The following CLTCL1 variants were observed in gnomAD, a reference collection of about 807,000 sequenced individuals.
CLTCL1 encodes the protein clathrin heavy chain 2.
In CLTCL1, 159 loss-of-function variants were observed where a neutral mutation model predicts 190.0. That is an observed-to-expected ratio of 0.84 (90% CI 0.74 to 0.95). The LOEUF is 0.95. Among genes scored for constraint, CLTCL1 ranks in the 40% least tolerant of loss-of-function variants. The pLI, the probability that CLTCL1 is intolerant of heterozygous loss-of-function variation, is 0.00. For missense variants in CLTCL1, 1,878 were observed against 2,033.4 expected, an observed-to-expected ratio of 0.92 and a Z score of 1.47; for synonymous variants, 752 against 769.6, an observed-to-expected ratio of 0.98 and a Z score of 0.38.
intron 22 of CLTCL1, among the ~76,000 whole-genome samples, chr22:19,202,051 C>G (rs2084903555): frequency 6.6e-6 from 1 of 152,060 alleles, no homozygotes; most frequent in Non-Finnish European, 1.5e-5. Flanking sequence ...CCTACTCTGC[C>G]TAGCACTGCC....
chr22:19,199,815 T>C lies in CLTCL1; in HGVS notation c.3792A>G (p.Gln1264=), dbSNP rs1555938033. ...CACACAGCTGTGCGAAGCGGAACTC[T>C]TGTCCATCCATGCAGGCAAAGCACA... The part of the protein sequence containing the change: ...KEVCFACMDG[Q]EFRFAQLCGL... The change falls in exon 24 of 33, where the codon CAA becomes CAG. Residue 1264 remains glutamine, a synonymous_variant. Coordinates refer to ENST00000427926, the MANE Select transcript of CLTCL1 (RefSeq NM_007098.4). The C allele has an allele frequency of 2.5e-6, 4 of 1,596,862 alleles. No homozygotes were observed. The highest frequency in any genetic ancestry group is 1.1e-5 in the South Asian group (1 of 87,520).
At position 19,196,675 on chromosome 22, in the gene CLTCL1, C is replaced by T. The variant is rs782700217; in HGVS notation, c.3874-19G>A. On this transcript the variant is annotated intron_variant, in intron 24 of 32. Transcript: ENST00000427926. ...CACGATCCTAGCAGACCAACAGCCACGCGTGGGGCAGAGTGATTGCATGCC... is the reference window on the plus strand; with the variant it reads ...CACGATCCTAGCAGACCAACAGCCATGCGTGGGGCAGAGTGATTGCATGCC... The T allele has an allele frequency of 2.3e-5, 37 of 1,604,960 alleles. No individual in the cohort carries two copies. Among genetic ancestry groups the T allele is most frequent in the East Asian group, 6.7e-5 (3 of 44,466 alleles).
At chr22:19,188,738 C>T (rs1555929864) in intron 27 of CLTCL1, among the ~76,000 whole-genome samples, 1 of 151,756 alleles carries the variant, frequency 6.6e-6, no homozygotes, top group East Asian at 1.9e-4. Context: ...GCCTCAGCCT[C>T]CTGAATAGCT....
At chr22:19,236,796 T>C (rs1382732867) in intron 5 of CLTCL1, among the ~76,000 whole-genome samples, 1 of 151,988 alleles carries the variant, frequency 6.6e-6, no homozygotes, top group Non-Finnish European at 1.5e-5. Context: ...AAATAAATAA[T>C]TAGTAGGTAA....
intron 2 of CLTCL1, chr22:19,257,591 C>T (rs1210498450): frequency 2.6e-6 from 1 of 391,006 alleles, no homozygotes; most frequent in Non-Finnish European, 5.0e-6. Context: ...AGCCGCCCAG[C>T]TACAGTACCC....
intron 1 of CLTCL1, among the ~76,000 whole-genome samples, chr22:19,279,041 T>C (rs148740455): frequency 1.3e-3 from 194 of 150,992 alleles, no homozygotes; most frequent in African/African-American, 4.1e-3. Flanking sequence ...CACAACTGGA[T>C]AGATTAGTGT....
rs1424547862 is a variant in CLTCL1 at position 19,232,402 on chromosome 22, G to A, written c.1644+74C>T. 3.1e-6 allele frequency: 5 copies of A among 1,590,224 alleles called. No individual in the cohort carries two copies. In the Admixed American group the frequency reaches 5.2e-5, roughly 17 times the overall value. ...AGAAAAGCATTGAGACAAGTTAACA[G>A]GAAACGAATCAAAGAAATCTTCTAG... On this transcript the variant is annotated intron_variant, in intron 10 of 32. Transcript: ENST00000427926.
In CLTCL1 at chr22:19,222,563, C is replaced by T. The variant is rs925611206; in HGVS notation, c.2418+121G>A. 1.8e-4 allele frequency: 223 copies of T among 1,215,628 alleles called. 1 individual carries two copies. Among genetic ancestry groups the T allele is most frequent in the Non-Finnish European group, 1.1e-4 (98 of 866,164 alleles). The allele number at this position is 1,215,628 out of a possible 1,614,324, so 75.3% of individuals were successfully genotyped here. On this transcript the variant is annotated intron_variant, in intron 15 of 32. Coordinates refer to ENST00000427926, the MANE Select transcript of CLTCL1 (RefSeq NM_007098.4). ...CTCTGGCAGTCTGAGCACACGAACC[C>T]ACCACCCTTCAAAATGATAGTCTCT...
intron 23 of CLTCL1, 28 bp from the exon 24 acceptor site, chr22:19,199,869 TCC>T: frequency 6.7e-7 from 1 of 1,502,918 alleles, no homozygotes; most frequent in South Asian, 1.2e-5. Context: ...AGCGTGAGGG[TCC>T]CCAAGACAGG....
intron 1 of CLTCL1, among the ~76,000 whole-genome samples, chr22:19,288,293 T>C (rs1190200980): frequency 6.6e-6 from 1 of 152,204 alleles, no homozygotes; most frequent in Non-Finnish European, 1.5e-5. Context: ...GTTAATCTCT[T>C]ACTGTGCTTA....
chr22:19,247,334 AT>A (rs11381797), intron 3 of CLTCL1, among the ~76,000 whole-genome samples: 1 of 151,782 alleles, frequency 6.6e-6, no homozygotes, highest in Non-Finnish European at 1.5e-5. Flanking sequence ...TGGACCTTAC[AT>A]TTTTTCCCAT....
chr22:19,222,896 T>C, intron 14 of CLTCL1, 87 bp from the exon 15 acceptor site: 1 of 1,490,588 alleles, frequency 6.7e-7, no homozygotes, highest in Non-Finnish European at 9.0e-7. Context: ...GGGACGGCTC[T>C]GTCTCTGCAG....
intron 26 of CLTCL1, among the ~76,000 whole-genome samples, chr22:19,193,842 C>T (rs2084600710): frequency 1.3e-5 from 2 of 152,186 alleles, no homozygotes; most frequent in South Asian, 4.1e-4. Flanking sequence ...AATGAAGCTC[C>T]AGACCTTCGC....
intron 30 of CLTCL1, chr22:19,182,522 C>G (rs1376464370): frequency 6.6e-6 from 1 of 152,222 alleles, no homozygotes; most frequent in African/African-American, 2.4e-5. Context: ...TGGCCTTTAT[C>G]AGGGGCTGGG....
chr22:19,197,383 A>T (rs1315836538), intron 24 of CLTCL1, among the ~76,000 whole-genome samples: 1 of 152,014 alleles, frequency 6.6e-6, no homozygotes, highest in African/African-American at 2.4e-5. Flanking sequence ...AGCTACAGAC[A>T]CGCCGCCTGT....
intron 2 of CLTCL1, chr22:19,257,784 A>G (rs782054510): frequency 7.0e-7 from 1 of 1,423,716 alleles, no homozygotes; most frequent in Non-Finnish European, 9.4e-7. Context: ...GCAAAGCCTG[A>G]ACGACCACCT....
At chr22:19,234,040 G>C (rs1164785686) in intron 7 of CLTCL1, among the ~76,000 whole-genome samples, 1 of 152,158 alleles carries the variant, frequency 6.6e-6, no homozygotes, top group Non-Finnish European at 1.5e-5. Flanking sequence ...TATCTACTCA[G>C]GAACAGATCC....
At chr22:19,245,676 C>G (rs1055786734) in intron 3 of CLTCL1, among the ~76,000 whole-genome samples, 5 of 152,188 alleles carry the variant, frequency 3.3e-5, no homozygotes, top group South Asian at 2.1e-4. Context: ...TCCCCTGACC[C>G]AAGTCCCCTA....
intron 17 of CLTCL1, among the ~76,000 whole-genome samples, chr22:19,220,497 A>G (rs534384862): frequency 6.6e-6 from 1 of 152,368 alleles, no homozygotes; most frequent in South Asian, 2.1e-4. Flanking sequence ...AGATCTAAAA[A>G]CTGTAAACTG....
Sources: allele counts gnomAD v4.1 joint callset (sites outside exome capture counted in the v4.1 genomes callset), GRCh38; gene constraint gnomAD v4.1.1; transcripts MANE v1.5; gene names NCBI Gene and HGNC (gene_info 2026-07-23, HGNC 2026-07-21).